The following RFX1 variants were observed in gnomAD, a reference collection of about 807,000 sequenced individuals.
RFX1 encodes the protein MHC class II regulatory factor RFX1.
A neutral mutation model predicts 119.6 loss-of-function variants in RFX1; 42 were observed. The observed-to-expected ratio is 0.35, with a 90% CI of 0.27 to 0.45. RFX1 has a LOEUF of 0.45. RFX1 is among the 20% of genes least tolerant of loss of function. The pLI is 1.00. For synonymous variants in RFX1, 628 were observed against 618.5 expected, an observed-to-expected ratio of 1.02 and a Z score of -0.23; for missense variants, 1,118 against 1,368.1, an observed-to-expected ratio of 0.82 and a Z score of 2.88.
intron 9 of RFX1, among the ~76,000 whole-genome samples, chr19:13,972,372 T>C (rs1340090698): frequency 6.6e-6 from 1 of 152,116 alleles, no homozygotes; most frequent in East Asian, 1.9e-4. Flanking sequence ...TTTTGTATTT[T>C]TAGTAGAGAT....
Position 13,968,824 on chromosome 19 carries a change from C to A in RFX1, c.1567G>T (p.Asp523Tyr). 1 of 1,560,742 alleles carries A rather than the reference C, an allele frequency of 6.4e-7. No homozygotes were observed. The highest frequency in any genetic ancestry group is 8.7e-7 in the Non-Finnish European group (1 of 1,152,460). Reference protein sequence around the residue: ...ASSPLLRLMEDQQHMAMRGQP... With the variant: ...ASSPLLRLMEYQQHMAMRGQP... ...CCCCGCATGGCCATGTGCTGCTGGT[C>A]CTCCATCAGCCGCAGCAGGGGTGAG... Residue 523 changes from aspartate (D) to tyrosine (Y), a missense_variant, in exon 11 of 21, where the codon GAC becomes TAC. Transcript: ENST00000254325. This position sits in a 1 kb window ranked among gnomAD's most constrained non-coding sequence, Gnocchi z 5.5.
In RFX1 at chr19:13,963,987, G is replaced by C. The variant is rs780110843; in HGVS notation, c.2232C>G (p.Phe744Leu). The change falls in exon 17 of 21, where the codon TTC becomes TTG. Residue 744 changes from phenylalanine (F) to leucine (L), a missense_variant. Transcript: ENST00000254325. Reference protein sequence around the residue: ...LRVKVAAAGAFAQTLRRYTSL... With the variant: ...LRVKVAAAGALAQTLRRYTSL... Reference sequence around the variant, plus strand: ...ACGTGTAGCGCCGCAGTGTCTGCGCGAAGGCGCCAGCCGCGGCCACCTGCG... The same window carrying C: ...ACGTGTAGCGCCGCAGTGTCTGCGCCAAGGCGCCAGCCGCGGCCACCTGCG... 7 of 1,536,252 alleles carry C rather than the reference G, an allele frequency of 4.6e-6. No homozygotes were observed. The highest frequency in any genetic ancestry group is 6.1e-6 in the Non-Finnish European group (7 of 1,146,540).
intron 2 of RFX1, among the ~76,000 whole-genome samples, chr19:13,987,876 A>G (rs73517692): frequency 0.04 from 6,074 of 152,222 alleles, 420 homozygotes; most frequent in African/African-American, 0.13. Flanking sequence ...GCCTGCCCTC[A>G]TGGGTACAGA....
chr19:13,962,625 G>T lies in RFX1; in HGVS notation c.*70C>A. 1 of 1,215,340 alleles carries T rather than the reference G, an allele frequency of 8.2e-7. No homozygotes were observed. The highest frequency in any genetic ancestry group is 1.1e-6 in the Non-Finnish European group (1 of 932,152). The allele number at this position is 1,215,340 out of a possible 1,614,324, so 75.3% of individuals were successfully genotyped here. On this transcript the variant is annotated 3_prime_UTR_variant, in exon 21 of 21. Coordinates refer to ENST00000254325, the MANE Select transcript of RFX1 (RefSeq NM_002918.5). The stretch of plus-strand genomic sequence containing the variant: ...CTGAGGCTGGAGCAGTGACCACGAA[G>T]CCACAGAAGCTTTGAGGGACCCTGG...
intron 1 of RFX1, among the ~76,000 whole-genome samples, chr19:13,999,070 T>C (rs913525784): frequency 6.6e-6 from 1 of 152,204 alleles, no homozygotes; most frequent in African/African-American, 2.4e-5. Flanking sequence ...TTTCCTACAA[T>C]TATTTGACCA....
rs752131996 is a variant in RFX1, at chr19:13,993,668, T to G, written c.176A>C (p.Gln59Pro). 1 of 1,589,400 alleles carries G rather than the reference T, an allele frequency of 6.3e-7. No homozygotes were observed. Among genetic ancestry groups the G allele is most frequent in the South Asian group, 1.1e-5 (1 of 88,940 alleles). The change falls in exon 2 of 21, where the codon CAG becomes CCG. Residue 59 changes from glutamine (Q) to proline (P), a missense_variant. Physicochemically the swap from Gln to Pro is moderately conservative, Grantham distance 76. Transcript: ENST00000254325. Reference sequence around the variant, plus strand: ...TGGCTGTGCCTGGGGCTGGGGGCTCTGCAGCTCGGTGACATATTGGGGCTG... The same window carrying G: ...TGGCTGTGCCTGGGGCTGGGGGCTCGGCAGCTCGGTGACATATTGGGGCTG... Reference protein sequence around the residue: ...TPQPQYVTELQSPQPQAQPPG... With the variant: ...TPQPQYVTELPSPQPQAQPPG...
chr19:13,988,274 G>A (rs1045553386), intron 2 of RFX1, among the ~76,000 whole-genome samples: 1 of 152,176 alleles, frequency 6.6e-6, no homozygotes, highest in African/African-American at 2.4e-5. Flanking sequence ...TGATCCGCCT[G>A]CCTCAGCCTC....
intron 1 of RFX1, among the ~76,000 whole-genome samples, chr19:14,000,773 G>A (rs556969219): frequency 6.6e-6 from 1 of 152,016 alleles, no homozygotes; most frequent in South Asian, 2.1e-4. Flanking sequence ...ACTCCAGTCT[G>A]GGCAACAGAA....
chr19:13,997,190 T>C (rs1205692508), intron 1 of RFX1, among the ~76,000 whole-genome samples: 1 of 152,164 alleles, frequency 6.6e-6, no homozygotes, highest in African/African-American at 2.4e-5. Flanking sequence ...CTGGTTCCCA[T>C]CCTTCACGCC....
chr19:13,968,449 ATC>A lies in RFX1; in HGVS notation c.1732+114_1732+115del. On this transcript the variant is annotated intron_variant, in intron 12 of 20. Coordinates refer to ENST00000254325, the MANE Select transcript of RFX1 (RefSeq NM_002918.5). The surrounding 1 kb of genome is among the most constrained non-coding windows in gnomAD (Gnocchi z 5.5). ...CCCCACCCCCTGCTGGTTCTCGGGC[ATC>A]TCTCACCAAGCCCTCCCCAGCTCAG... is the stretch of plus-strand genomic sequence containing the variant. The A allele has an allele frequency of 1.3e-6, 1 of 788,226 alleles. No individual in the cohort carries two copies. Among genetic ancestry groups the A allele is most frequent in the Non-Finnish European group, 2.2e-6 (1 of 454,740 alleles). 48.8% of individuals were successfully genotyped at this position (788,226 alleles called of 1,614,324 possible).
Position 13,966,638 on chromosome 19 carries a change from A to T in RFX1, c.1846T>A (p.Cys616Ser). Residue 616 changes from cysteine to serine, a missense_variant, in exon 13 of 21, where the codon TGT (cysteine) becomes AGT (serine). By Grantham distance (112) the Cys-to-Ser change is moderately radical. Coordinates refer to ENST00000254325, the MANE Select transcript of RFX1 (RefSeq NM_002918.5). This position sits in a 1 kb window ranked among gnomAD's most constrained non-coding sequence, Gnocchi z 6.3. Reference protein sequence around the residue: ...KAFQVLYREHCEAIVDVMVNL... With the variant: ...KAFQVLYREHSEAIVDVMVNL... ...TGCCCACCTGGCCACCCTACCTCAC[A>T]GTGTTCCCGGTACAGGACCTGGAAG... 1 of 1,594,126 alleles carries T rather than the reference A, an allele frequency of 6.3e-7. No individual in the cohort carries two copies. Among genetic ancestry groups the T allele is most frequent in the Non-Finnish European group, 8.6e-7 (1 of 1,168,014 alleles).
intron 1 of RFX1, among the ~76,000 whole-genome samples, chr19:13,996,718 CTTTTTTTTTTTTT>C (rs767281958): frequency 1.7e-5 from 2 of 114,406 alleles, no homozygotes; most frequent in African/African-American, 6.8e-5. Flanking sequence ...GGCTCATTTG[CTTTTTTTTTTTTT>C]TTTTTTTTTG....
intron 12 of RFX1, among the ~76,000 whole-genome samples, chr19:13,967,725 G>C (rs1461163336): frequency 6.7e-6 from 1 of 150,052 alleles, no homozygotes; most frequent in Non-Finnish European, 1.5e-5. Flanking sequence ...GATTCCTCCA[G>C]CCTCGGCCTC....
chr19:13,989,551 GAGACAGAC>G (rs36065115), intron 2 of RFX1, among the ~76,000 whole-genome samples: 23 of 145,414 alleles, frequency 1.6e-4, no homozygotes, highest in South Asian at 6.3e-4. Flanking sequence ...GAGAGAGAGA[GAGACAGAC>G]AGACAGACAG....
chr19:13,983,082 C>T (rs1488387141), intron 4 of RFX1, 105 bp downstream of exon 4: 2 of 875,146 alleles, frequency 2.3e-6, no homozygotes, highest in East Asian at 5.4e-5. Flanking sequence ...TGGATGGGGA[C>T]TCTTCCCTCC....
chr19:13,970,696 A>AAAAAAAAAAAAAAAAAAAAAAAAAAAAAC (rs1974051726), intron 9 of RFX1, among the ~76,000 whole-genome samples: 1 of 148,282 alleles, frequency 6.7e-6, no homozygotes, highest in Non-Finnish European at 1.5e-5. Context: ...AAAAAAAAAA[A>AAAAAAAAAAAAAAAAAAAAAAAAAAAAAC]ATTAGCAGGA....
chr19:13,978,024 C>T lies in RFX1; in HGVS notation c.897G>A (p.Glu299=). The part of the protein sequence containing the change: ...HVYSSQVQYV[E]GGDASYTASA... ...TGGCCGTGTAGCTGGCATCGCCGCC[C>T]TCCACATACTGCACCTGGCTGGAGT... The change falls in exon 8 of 21, where the codon GAG becomes GAA. Residue 299 remains glutamate, a synonymous_variant. Transcript: ENST00000254325. The T allele has an allele frequency of 1.2e-6, 2 of 1,613,694 alleles. No homozygotes were observed. The highest frequency in any genetic ancestry group is 8.5e-7 in the Non-Finnish European group (1 of 1,179,818).
At chr19:14,002,804 G>A (rs1172553413) in intron 1 of RFX1, among the ~76,000 whole-genome samples, 1 of 152,178 alleles carries the variant, frequency 6.6e-6, no homozygotes, top group East Asian at 1.9e-4. Flanking sequence ...TCTGCGGGCG[G>A]GGCAGCCTGG....
intron 1 of RFX1, among the ~76,000 whole-genome samples, chr19:14,001,287 T>C (rs1054480679): frequency 6.6e-6 from 1 of 152,082 alleles, no homozygotes; most frequent in African/African-American, 2.4e-5. Flanking sequence ...TGTTTCCCTG[T>C]TGAGTTTATT....
Sources: allele counts gnomAD v4.1 joint callset (sites outside exome capture counted in the v4.1 genomes callset), GRCh38; gene constraint gnomAD v4.1.1; non-coding constraint Gnocchi (gnomAD v3.1); transcripts MANE v1.5; gene names NCBI Gene and HGNC (gene_info 2026-07-23, HGNC 2026-07-21).